The following ARHGAP8 variants were observed in gnomAD, a reference collection of about 807,000 sequenced individuals.
ARHGAP8 encodes rho GTPase-activating protein 8.
ARHGAP8 carries 62 observed loss-of-function variants against 46.1 expected under a neutral mutation model. That is an observed-to-expected ratio of 1.34 (90% confidence interval 1.10 to 1.66). The LOEUF (loss-of-function observed/expected upper bound fraction) is 1.66. ARHGAP8 is among the 40% of genes most tolerant of loss of function. ARHGAP8 has a pLI of 0.00. For synonymous variants in ARHGAP8, 375 were observed against 243.1 expected, an observed-to-expected ratio of 1.54 and a Z score of -5.05; for missense variants, 923 against 568.4, an observed-to-expected ratio of 1.62 and a Z score of -6.34.
At chr22:44,800,996 T>A (rs1187660968) in intron 2 of ARHGAP8, among the ~76,000 whole-genome samples, 1 of 26,076 alleles carries the variant, frequency 3.8e-5, no homozygotes, top group Non-Finnish European at 6.8e-5. Context: ...GGGCCGCCTC[T>A]CCCCGCAGCT....
At chr22:44,857,992 G>T (rs7289868) in intron 10 of ARHGAP8, among the ~76,000 whole-genome samples, 56,778 of 151,972 alleles carry the variant, frequency 0.37, 10,915 homozygotes, top group African/African-American at 0.39. Context: ...ACCATAATTC[G>T]TAGATAAGGT....
intron 10 of ARHGAP8, chr22:44,849,310 A>C: frequency 1.8e-6 from 1 of 568,324 alleles, no homozygotes; most frequent in Admixed American, 3.4e-5. Flanking sequence ...TCTCAGGCAC[A>C]GCTGGGCCAG....
rs189576807 is a variant in ARHGAP8, at chr22:44,792,880, G to A, written c.79+6274G>A. ...ACTCTGTTGCTCAGGCTGGAGTGCA[G>A]TGGCGCAATCTCGGCTCACTGCAAC... On this transcript the variant is annotated intron_variant, in intron 2 of 11. Transcript: ENST00000356099. Among the ~76,000 whole-genome samples the A allele has an allele frequency of 3.2e-4, 48 of 151,860 alleles. 1 individual carries two copies. The highest frequency in any genetic ancestry group is 1.0e-3 in the African/African-American group (42 of 41,414).
At chr22:44,763,112 C>G (rs1925270951) in intron 1 of ARHGAP8, among the ~76,000 whole-genome samples, 1 of 152,084 alleles carries the variant, frequency 6.6e-6, no homozygotes, top group Non-Finnish European at 1.5e-5. Context: ...TGTTTTCATG[C>G]TGGTTGGGAA....
chr22:44,845,352 G>C lies in ARHGAP8; in HGVS notation c.670+10G>C, dbSNP rs1346884521. 7 of 1,614,028 alleles carry C rather than the reference G, an allele frequency of 4.3e-6. No individual in the cohort carries two copies. The highest frequency in any genetic ancestry group is 5.9e-6 in the Non-Finnish European group (7 of 1,179,982). On this transcript the variant is annotated intron_variant, in intron 8 of 11. Coordinates refer to ENST00000356099, the MANE Select transcript of ARHGAP8 (RefSeq NM_181335.3). Reference sequence around the variant, plus strand: ...TACCTGAGAGAGAAAGGTGAGACGGGGCCGGCTCCAGCTGGATGACGTGAG... The same window carrying C: ...TACCTGAGAGAGAAAGGTGAGACGGCGCCGGCTCCAGCTGGATGACGTGAG...
At chr22:44,783,574 T>A (rs1052236882) in intron 1 of ARHGAP8, among the ~76,000 whole-genome samples, 3 of 152,052 alleles carry the variant, frequency 2.0e-5, no homozygotes, top group Non-Finnish European at 2.9e-5. Context: ...CTCCCCTAGG[T>A]CTCTCTCCTT....
At chr22:44,786,707 G>C (rs1927267486) in intron 2 of ARHGAP8, 101 bp downstream of exon 2, 1 of 1,466,234 alleles carries the variant, frequency 6.8e-7, no homozygotes. Flanking sequence ...CCTCACTGCA[G>C]CTGGGCAAGA....
intron 10 of ARHGAP8, chr22:44,850,312 A>G (rs2070062002): frequency 6.6e-6 from 1 of 152,250 alleles, no homozygotes; most frequent in Non-Finnish European, 1.5e-5. Flanking sequence ...GAAGCCTGGG[A>G]GAGTTCAGAG....
intron 1 of ARHGAP8, among the ~76,000 whole-genome samples, chr22:44,780,309 A>T (rs1020676367): frequency 1.3e-5 from 2 of 152,010 alleles, no homozygotes; most frequent in South Asian, 2.1e-4. Flanking sequence ...GTGAGCTGTG[A>T]TTGCGCCACT....
At chr22:44,807,412 G>C (rs1387090936) in intron 3 of ARHGAP8, among the ~76,000 whole-genome samples, 1 of 148,858 alleles carries the variant, frequency 6.7e-6, no homozygotes, top group East Asian at 1.9e-4. Flanking sequence ...GGGGTGGCGG[G>C]CGACAGACGC....
chr22:44,782,006 T>C (rs572852346), intron 1 of ARHGAP8, among the ~76,000 whole-genome samples: 44 of 152,206 alleles, frequency 2.9e-4, no homozygotes, highest in Non-Finnish European at 1.3e-4. Flanking sequence ...AGCCCTTCTC[T>C]TTTAAATTGG....
intron 7 of ARHGAP8, among the ~76,000 whole-genome samples, chr22:44,827,965 T>C (rs1471571726): frequency 1.3e-5 from 2 of 152,186 alleles, no homozygotes; most frequent in Non-Finnish European, 1.5e-5. Flanking sequence ...CGGTCCAGTA[T>C]GGTAGCCAGT....
intron 10 of ARHGAP8, among the ~76,000 whole-genome samples, chr22:44,853,114 T>C (rs2070137703): frequency 7.2e-6 from 1 of 137,956 alleles, no homozygotes; most frequent in South Asian, 2.2e-4. Flanking sequence ...AACTCCATTT[T>C]TTTAGTCAGG....
At chr22:44,827,730 G>A (rs1930640158) in intron 7 of ARHGAP8, among the ~76,000 whole-genome samples, 1 of 152,140 alleles carries the variant, frequency 6.6e-6, no homozygotes, top group South Asian at 2.1e-4. Flanking sequence ...GTGGGTAGTT[G>A]CGAGTATAGG....
chr22:44,851,938 C>T (rs1372409596), intron 10 of ARHGAP8, among the ~76,000 whole-genome samples: 1 of 152,048 alleles, frequency 6.6e-6, no homozygotes, highest in East Asian at 1.9e-4. Context: ...CTCCTGTAAA[C>T]TCAGCACTTC....
intron 11 of ARHGAP8, among the ~76,000 whole-genome samples, chr22:44,860,042 G>A (rs140360330): frequency 5.3e-4 from 81 of 152,196 alleles, no homozygotes; most frequent in African/African-American, 1.7e-3. Flanking sequence ...CAGACAGGGC[G>A]TACCTGCCCC....
At chr22:44,826,199 C>T (rs750016396) in intron 7 of ARHGAP8, among the ~76,000 whole-genome samples, 4 of 152,026 alleles carry the variant, frequency 2.6e-5, no homozygotes, top group African/African-American at 9.7e-5. Context: ...CCGGTAGAGA[C>T]GGCACGTGGT....
At chr22:44,830,800 A>G (rs1296895401) in intron 7 of ARHGAP8, among the ~76,000 whole-genome samples, 1 of 152,032 alleles carries the variant, frequency 6.6e-6, no homozygotes. Flanking sequence ...CGGCCTCCCA[A>G]AGTGCTGGGA....
chr22:44,857,441 C>G (rs6007329), intron 10 of ARHGAP8, among the ~76,000 whole-genome samples: 22,676 of 152,078 alleles, frequency 0.15, 2,203 homozygotes, highest in African/African-American at 0.28. Context: ...AAGACAGATT[C>G]ACAAGAGAAA....
Sources: gnomAD v4.1 joint callset for allele counts (sites outside exome capture counted in the v4.1 genomes callset) on GRCh38, gnomAD v4.1.1 for gene constraint, MANE v1.5 for transcripts, NCBI Gene and HGNC (gene_info 2026-07-23, HGNC 2026-07-21) for gene names.